Variants in SMOC2 observed in about 807,000 individuals in gnomAD.
SMOC2 encodes SPARC-related modular calcium-binding protein 2.
Under a neutral mutation model 61.4 loss-of-function variants are expected in SMOC2, and 39 were observed. The observed-to-expected ratio is 0.64, with a 90% CI of 0.49 to 0.83. The LOEUF is 0.83. Among genes scored for constraint, SMOC2 ranks in the 40% least tolerant of loss-of-function variants. The probability of loss-of-function intolerance (pLI) is 0.00; values close to 1 mark genes in which losing one functional copy is unlikely to be tolerated. For synonymous variants in SMOC2, 247 were observed against 239.9 expected (o/e 1.03, Z -0.27); for missense variants, 556 against 592.9 (o/e 0.94, Z 0.65).
At chr6:168,454,543 G>T (rs1781538800) in intron 1 of SMOC2, among the ~76,000 whole-genome samples, 1 of 152,168 alleles carries the variant, frequency 6.6e-6, no homozygotes, top group Admixed American at 6.5e-5. Context: ...GCTCTGACAG[G>T]TTCTGCAGAT....
chr6:168,631,498 G>GT (rs1431758194), intron 9 of SMOC2, among the ~76,000 whole-genome samples: 1 of 152,192 alleles, frequency 6.6e-6, no homozygotes, highest in Non-Finnish European at 1.5e-5. Flanking sequence ...AAAGATGTGA[G>GT]TAGGTGGAGA....
At chr6:168,443,439 G>A (rs563481564) in intron 1 of SMOC2, among the ~76,000 whole-genome samples, 210 of 152,316 alleles carry the variant, frequency 1.4e-3, no homozygotes, top group Middle Eastern at 3.4e-3. Context: ...GATACCCCAC[G>A]TGGGCTTTGC....
intron 9 of SMOC2, among the ~76,000 whole-genome samples, chr6:168,637,801 G>C (rs952817266): frequency 6.6e-6 from 1 of 152,196 alleles, no homozygotes; most frequent in Non-Finnish European, 1.5e-5. Context: ...CTGTCTGTTT[G>C]TGCTGCTTGC....
At chr6:168,486,423 G>T (rs1347443447) in intron 1 of SMOC2, among the ~76,000 whole-genome samples, 3 of 151,992 alleles carry the variant, frequency 2.0e-5, no homozygotes, top group Non-Finnish European at 4.4e-5. Flanking sequence ...TTGTGCAATT[G>T]AACTCAAGAG....
chr6:168,666,487 C>T lies in SMOC2; in HGVS notation c.*49C>T, dbSNP rs1787665824. 1.3e-6 allele frequency: 2 copies of T among 1,598,142 alleles called. No individual in the cohort carries two copies. The highest frequency in any genetic ancestry group is 1.7e-6 in the Non-Finnish European group (2 of 1,166,868). On this transcript the variant is annotated 3_prime_UTR_variant, in exon 13 of 13. Transcript: ENST00000356284. ...TCCTAGACACATGGGAAATTTCCCT[C>T]ACCAAAGAGCAATTAAGAAAACAAA...
intron 1 of SMOC2, among the ~76,000 whole-genome samples, chr6:168,442,357 A>G (rs543685244): frequency 6.6e-6 from 1 of 152,376 alleles, no homozygotes; most frequent in South Asian, 2.1e-4. Flanking sequence ...GGAGCTATGT[A>G]GAGGGGGCTG....
At chr6:168,581,543 T>G (rs1336733290) in intron 7 of SMOC2, among the ~76,000 whole-genome samples, 1 of 152,244 alleles carries the variant, frequency 6.6e-6, no homozygotes, top group Non-Finnish European at 1.5e-5. Flanking sequence ...CGGGCGCATT[T>G]CTTGCCGTCA....
chr6:168,536,291 G>A (rs1783732053), intron 4 of SMOC2, among the ~76,000 whole-genome samples: 1 of 152,150 alleles, frequency 6.6e-6, no homozygotes, highest in Non-Finnish European at 1.5e-5. Flanking sequence ...GGCTGCCAGG[G>A]CCCCTCCTGA....
chr6:168,494,951 C>G (rs917167044), intron 1 of SMOC2, among the ~76,000 whole-genome samples: 1 of 152,190 alleles, frequency 6.6e-6, no homozygotes, highest in Non-Finnish European at 1.5e-5. Context: ...TCCCTTGGGC[C>G]GGGGTGTGCT....
At chr6:168,470,240 G>A (rs1781940777) in intron 1 of SMOC2, among the ~76,000 whole-genome samples, 1 of 152,340 alleles carries the variant, frequency 6.6e-6, no homozygotes, top group African/African-American at 2.4e-5. Flanking sequence ...AGTCTCTGCT[G>A]TGAGTCCTTT....
intron 9 of SMOC2, among the ~76,000 whole-genome samples, chr6:168,647,790 T>A (rs1787079788): frequency 6.6e-6 from 1 of 152,224 alleles, no homozygotes; most frequent in South Asian, 2.1e-4. Flanking sequence ...TCGCCTTTTT[T>A]CTTCAGAAGT....
At chr6:168,470,754 G>A (rs1452920784) in intron 1 of SMOC2, among the ~76,000 whole-genome samples, 3 of 152,070 alleles carry the variant, frequency 2.0e-5, no homozygotes, top group Admixed American at 2.0e-4. Context: ...TTTGTTCTAT[G>A]TTTAAACAAG....
chr6:168,649,476 A>G (rs1046794313), intron 9 of SMOC2, among the ~76,000 whole-genome samples: 18 of 152,182 alleles, frequency 1.2e-4, no homozygotes, highest in African/African-American at 4.3e-4. Flanking sequence ...CTGTCCCTCC[A>G]GGGCTGGTGC....
chr6:168,517,827 C>G (rs967316362), intron 2 of SMOC2, among the ~76,000 whole-genome samples: 8 of 149,080 alleles, frequency 5.4e-5, no homozygotes, highest in African/African-American at 2.0e-4. Flanking sequence ...GGGGCCTGGG[C>G]GGTGGAGGGG....
At position 168,627,958 on chromosome 6, in the gene SMOC2, C is replaced by T. The variant is rs184870351; in HGVS notation, c.907+19719C>T. Among the ~76,000 whole-genome samples, 458 of 152,304 alleles carry T rather than the reference C, an allele frequency of 3.0e-3. 2 individuals carry two copies. Among genetic ancestry groups the T allele is most frequent in the Non-Finnish European group, 4.4e-3 (297 of 68,034 alleles). ...TGCACAAAGGCACTGCAGGCTCCCA[C>T]GGAGAAGCCTTCTGTGTGGACATCA... On this transcript the variant is annotated intron_variant, in intron 9 of 12. Coordinates refer to ENST00000356284, the MANE Select transcript of SMOC2 (RefSeq NM_001166412.2).
At chr6:168,492,078 A>G (rs988038003) in intron 1 of SMOC2, among the ~76,000 whole-genome samples, 12 of 152,226 alleles carry the variant, frequency 7.9e-5, no homozygotes, top group Admixed American at 7.9e-4. Context: ...GCACTTAATT[A>G]AACAAAATAA....
intron 4 of SMOC2, among the ~76,000 whole-genome samples, chr6:168,534,201 G>A (rs948194482): frequency 2.0e-5 from 3 of 151,990 alleles, no homozygotes; most frequent in Non-Finnish European, 4.4e-5. Context: ...TTATAGTATC[G>A]AGGACATTTA....
intron 1 of SMOC2, among the ~76,000 whole-genome samples, chr6:168,503,964 T>C (rs553836000): frequency 2.0e-5 from 3 of 152,182 alleles, no homozygotes; most frequent in African/African-American, 7.2e-5. Context: ...ACCTCCTTGT[T>C]TTCTGTTTGA....
intron 2 of SMOC2, among the ~76,000 whole-genome samples, chr6:168,525,489 GTC>G (rs1261827083): frequency 1.3e-4 from 20 of 152,232 alleles, no homozygotes; most frequent in African/African-American, 4.6e-4. Context: ...TGCTTTTCAT[GTC>G]TCTGTATTTC....
Sources: allele counts gnomAD v4.1 joint callset (sites outside exome capture counted in the v4.1 genomes callset), GRCh38; gene constraint gnomAD v4.1.1; transcripts MANE v1.5; gene names NCBI Gene and HGNC (gene_info 2026-07-23, HGNC 2026-07-21).